The following ATP6V0E1 variants were observed in gnomAD, a reference collection of about 807,000 sequenced individuals.
ATP6V0E1 encodes ATPase H+ transporting V0 subunit e1.
Under a neutral mutation model 11.6 loss-of-function variants are expected in ATP6V0E1, and 4 were observed. The ratio of observed to expected loss-of-function variants is 0.35; its 90% CI spans 0.17 to 0.79. The LOEUF is 0.79. Among genes scored for constraint, ATP6V0E1 ranks in the 30% least tolerant of loss-of-function variants. ATP6V0E1 has a pLI of 0.54. For synonymous variants in ATP6V0E1, 36 were observed against 34.8 expected (o/e 1.04, Z -0.13); for missense variants, 105 against 100.0 (o/e 1.05, Z -0.21).
intron 2 of ATP6V0E1, among the ~76,000 whole-genome samples, chr5:173,002,164 A>G (rs1756166804): frequency 6.6e-6 from 1 of 152,220 alleles, no homozygotes; most frequent in South Asian, 2.1e-4. Flanking sequence ...ATATCAGTTC[A>G]TCTGTAAACA....
At chr5:172,991,434 T>C (rs1040877895) in intron 1 of ATP6V0E1, among the ~76,000 whole-genome samples, 1 of 152,124 alleles carries the variant, frequency 6.6e-6, no homozygotes, top group South Asian at 2.1e-4. Context: ...TGAGATGGTC[T>C]TTTGGAGAAG....
At chr5:173,020,193 A>G (rs754002763) in intron 2 of ATP6V0E1, 45 bp from the exon 3 acceptor site, 1 of 1,493,422 alleles carries the variant, frequency 6.7e-7, no homozygotes, top group Non-Finnish European at 9.3e-7. Context: ...TCATGTTCCA[A>G]CATGATTTCA....
At chr5:173,027,204 A>AAAAT (rs1465138696) in intron 3 of ATP6V0E1, among the ~76,000 whole-genome samples, 2 of 99,072 alleles carry the variant, frequency 2.0e-5, no homozygotes, top group African/African-American at 8.1e-5. Flanking sequence ...AAAAAAAAAA[A>AAAAT]TAGCCGGGCA....
Position 172,985,869 on chromosome 5 carries a change from A to C in ATP6V0E1, c.104+1905A>C, listed in dbSNP as rs186052440. Among the ~76,000 whole-genome samples the C allele has an allele frequency of 1.7e-4, 26 of 152,346 alleles. No individual in the cohort carries two copies. In the East Asian group the frequency reaches 4.4e-3, roughly 26 times the overall value. On this transcript the variant is annotated intron_variant, in intron 1 of 3. Coordinates refer to ENST00000519374, the MANE Select transcript of ATP6V0E1 (RefSeq NM_003945.4). The stretch of plus-strand genomic sequence containing the variant: ...GTGTTAGTTGGGCTTTTGTGTGAAC[A>C]AAGAGTTTACTTAAACAGATGGTAC...
chr5:173,018,796 A>G (rs183325743), intron 2 of ATP6V0E1, among the ~76,000 whole-genome samples: 4 of 152,318 alleles, frequency 2.6e-5, no homozygotes, highest in Admixed American at 2.6e-4. Flanking sequence ...AATGGTTTGA[A>G]TACTCAGACA....
chr5:172,985,070 C>T (rs1312437245), intron 1 of ATP6V0E1, among the ~76,000 whole-genome samples: 1 of 151,908 alleles, frequency 6.6e-6, no homozygotes, highest in African/African-American at 2.4e-5. Context: ...CACGGTGAAA[C>T]CCGTCTCTAC....
intron 2 of ATP6V0E1, among the ~76,000 whole-genome samples, chr5:173,011,860 A>C (rs1756330635): frequency 6.6e-6 from 1 of 151,900 alleles, no homozygotes; most frequent in Non-Finnish European, 1.5e-5. Context: ...TCCTCCACCC[A>C]CTTCCATCAA....
chr5:173,016,138 G>A (rs774700845), intron 2 of ATP6V0E1, among the ~76,000 whole-genome samples: 4 of 152,222 alleles, frequency 2.6e-5, no homozygotes, highest in African/African-American at 9.6e-5. Context: ...TAGCCAGTTG[G>A]TCAGAAGCAC....
intron 1 of ATP6V0E1, among the ~76,000 whole-genome samples, chr5:172,988,371 G>A (rs1278296071): frequency 5.9e-5 from 9 of 152,166 alleles, no homozygotes; most frequent in African/African-American, 2.2e-4. Flanking sequence ...TACATTTTGA[G>A]AAACACTGCA....
chr5:172,985,912 G>A (rs1715580802), intron 1 of ATP6V0E1, among the ~76,000 whole-genome samples: 1 of 152,242 alleles, frequency 6.6e-6, no homozygotes, highest in South Asian at 2.1e-4. Context: ...TACACACCTA[G>A]GCTATTTGGT....
At chr5:173,021,372 C>T (rs1469955854) in intron 3 of ATP6V0E1, among the ~76,000 whole-genome samples, 2 of 151,642 alleles carry the variant, frequency 1.3e-5, no homozygotes, top group East Asian at 1.9e-4. Context: ...ACAATAATGG[C>T]GGAGGATGAA....
intron 3 of ATP6V0E1, among the ~76,000 whole-genome samples, chr5:173,021,693 A>G (rs918226554): frequency 5.3e-5 from 8 of 152,110 alleles, no homozygotes; most frequent in Non-Finnish European, 1.2e-4. Flanking sequence ...ATCATTGGGG[A>G]TCACATTTCA....
intron 3 of ATP6V0E1, among the ~76,000 whole-genome samples, chr5:173,028,826 T>C (rs1418139575): frequency 2.0e-5 from 3 of 152,318 alleles, no homozygotes; most frequent in East Asian, 3.9e-4. Flanking sequence ...CTTCCTAAGA[T>C]GTATGTGGGA....
At chr5:172,997,792 G>A (rs1326955609) in intron 2 of ATP6V0E1, among the ~76,000 whole-genome samples, 4 of 143,788 alleles carry the variant, frequency 2.8e-5, no homozygotes, top group Non-Finnish European at 6.0e-5. Flanking sequence ...CAGTCTGGGC[G>A]ACAGAGCGAG....
rs375709709 is a variant in ATP6V0E1 at position 173,032,724 on chromosome 5, G to A, written c.*37-1675G>A. Among the ~76,000 whole-genome samples the A allele has an allele frequency of 3.0e-4, 46 of 152,234 alleles. No homozygotes were observed. In the South Asian group the frequency reaches 9.5e-3, roughly 32 times the overall value. Reference sequence around the variant, plus strand: ...TGTCACAAAATGCCTGTACTATGAAGAAGTCTAATCAGTGTGCTCTTCATG... The same window carrying A: ...TGTCACAAAATGCCTGTACTATGAAAAAGTCTAATCAGTGTGCTCTTCATG... On this transcript the variant is annotated intron_variant, in intron 3 of 3. Coordinates refer to ENST00000519374, the MANE Select transcript of ATP6V0E1 (RefSeq NM_003945.4).
At chr5:173,017,856 A>AAAAG (rs1554119524) in intron 2 of ATP6V0E1, among the ~76,000 whole-genome samples, 2,567 of 145,652 alleles carry the variant, frequency 0.018, 76 homozygotes, top group African/African-American at 0.065. Flanking sequence ...AAAAAAAAAA[A>AAAAG]AAAAGAAAAG....
At chr5:173,021,644 C>T (rs1028750872) in intron 3 of ATP6V0E1, among the ~76,000 whole-genome samples, 1 of 152,128 alleles carries the variant, frequency 6.6e-6, no homozygotes, top group African/African-American at 2.4e-5. Context: ...GAGGAATCCA[C>T]CCCCATGACC....
intron 2 of ATP6V0E1, among the ~76,000 whole-genome samples, chr5:173,011,098 A>T (rs1163468901): frequency 6.6e-6 from 1 of 151,498 alleles, no homozygotes; most frequent in Non-Finnish European, 1.5e-5. Context: ...TCCTTTTCGC[A>T]TCCTCAGAGG....
intron 1 of ATP6V0E1, among the ~76,000 whole-genome samples, chr5:172,989,142 C>T (rs1168689498): frequency 6.6e-6 from 1 of 152,102 alleles, no homozygotes; most frequent in Non-Finnish European, 1.5e-5. Flanking sequence ...GAGACCAAGC[C>T]TGGGCAATAA....
Sources: gnomAD v4.1 joint callset for allele counts (sites outside exome capture counted in the v4.1 genomes callset) on GRCh38, gnomAD v4.1.1 for gene constraint, MANE v1.5 for transcripts, NCBI Gene and HGNC (gene_info 2026-07-23, HGNC 2026-07-21) for gene names.